Variants in SPIDR observed in about 807,000 individuals in gnomAD.
SPIDR encodes the protein DNA repair-scaffolding protein.
A neutral mutation model predicts 104.6 loss-of-function variants in SPIDR; 93 were observed. That is an observed-to-expected ratio of 0.89 (90% confidence interval 0.75 to 1.06). The LOEUF (loss-of-function observed/expected upper bound fraction) is 1.06, where lower values mean the gene tolerates loss of function less well. Among genes scored for constraint, SPIDR ranks in the 50% least tolerant of loss-of-function variants. SPIDR has a pLI of 0.00. For synonymous variants in SPIDR, 431 were observed against 416.9 expected (o/e 1.03, Z -0.41); for missense variants, 1,154 against 1,111.2 (o/e 1.04, Z -0.55).
intron 5 of SPIDR, among the ~76,000 whole-genome samples, chr8:47,296,413 C>G (rs1437554987): frequency 1.3e-5 from 2 of 152,108 alleles, no homozygotes; most frequent in African/African-American, 2.4e-5. Context: ...ATGTTTAAGT[C>G]ATTAGTCCAT....
chr8:47,351,068 A>C (rs905182072), intron 5 of SPIDR, among the ~76,000 whole-genome samples: 1 of 152,210 alleles, frequency 6.6e-6, no homozygotes, highest in African/African-American at 2.4e-5. Flanking sequence ...CAGATTGACT[A>C]TCACAACATC....
rs776912189 is a variant in SPIDR, at chr8:47,712,625, TATA to T, written c.1978-31_1978-29del. ...TAAATGCTTTTAAAACATTTTTTGG[TATA>T]ATAATTAATCTTTATTGTGTCTTCA... On this transcript the variant is annotated intron_variant, in intron 14 of 19. Coordinates refer to ENST00000297423, the MANE Select transcript of SPIDR (RefSeq NM_001080394.4). 23 of 1,579,262 alleles carry T rather than the reference TATA, an allele frequency of 1.5e-5. No individual in the cohort carries two copies. The African/African-American group carries it at 2.9e-4, about 20-fold the overall frequency.
chr8:47,656,209 G>T (rs2072773162), intron 10 of SPIDR, among the ~76,000 whole-genome samples: 1 of 152,206 alleles, frequency 6.6e-6, no homozygotes, highest in Middle Eastern at 3.4e-3. Flanking sequence ...ATACATAAAT[G>T]AGACTTCATC....
intron 1 of SPIDR, among the ~76,000 whole-genome samples, chr8:47,267,656 A>C (rs926435695): frequency 2.0e-5 from 3 of 152,150 alleles, no homozygotes; most frequent in African/African-American, 7.2e-5. Context: ...TTCTTGAAGA[A>C]ATGTTTATTC....
At chr8:47,699,018 T>C (rs10095193) in intron 11 of SPIDR, among the ~76,000 whole-genome samples, 22,480 of 152,264 alleles carry the variant, frequency 0.15, 2,615 homozygotes, top group African/African-American at 0.3. Flanking sequence ...TTTATTTTTC[T>C]ATACTGTATA....
At chr8:47,290,886 G>T in intron 3 of SPIDR, 147 bp from the exon 4 acceptor site, 1 of 494,956 alleles carries the variant, frequency 2.0e-6, no homozygotes. Context: ...TAGAACTTTA[G>T]GTAGGAAGAT....
intron 10 of SPIDR, chr8:47,660,560 C>T: frequency 1.0e-6 from 1 of 978,486 alleles, no homozygotes; most frequent in Non-Finnish European, 1.2e-6. Flanking sequence ...TTTCTGACTG[C>T]TGCCTTGTTT....
intron 8 of SPIDR, among the ~76,000 whole-genome samples, chr8:47,529,074 A>G (rs1010971566): frequency 1.2e-4 from 19 of 152,240 alleles, no homozygotes; most frequent in Non-Finnish European, 5.9e-5. Context: ...TAAGAATTAC[A>G]TCAGACTTCC....
chr8:47,293,487 C>T (rs2040304772), intron 4 of SPIDR, among the ~76,000 whole-genome samples: 1 of 152,142 alleles, frequency 6.6e-6, no homozygotes, highest in Non-Finnish European at 1.5e-5. Context: ...CGTTCTGTTG[C>T]CCAGGCTGGA....
intron 1 of SPIDR, among the ~76,000 whole-genome samples, chr8:47,275,903 C>G (rs2036329433): frequency 6.6e-6 from 1 of 152,184 alleles, no homozygotes; most frequent in African/African-American, 2.4e-5. Context: ...GTTGCCCCAG[C>G]TGGAGTGCAG....
At chr8:47,515,725 A>G (rs2083020817) in intron 8 of SPIDR, among the ~76,000 whole-genome samples, 1 of 152,192 alleles carries the variant, frequency 6.6e-6, no homozygotes, top group African/African-American at 2.4e-5. Flanking sequence ...CCATTTGTTG[A>G]CTGAATAAAT....
intron 5 of SPIDR, among the ~76,000 whole-genome samples, chr8:47,317,174 G>T (rs1036127402): frequency 1.3e-5 from 2 of 152,176 alleles, no homozygotes; most frequent in African/African-American, 4.8e-5. Flanking sequence ...CCCAGGAAGC[G>T]CAAGGGGTCA....
At chr8:47,720,948 G>A (rs2083311192) in intron 16 of SPIDR, among the ~76,000 whole-genome samples, 1 of 152,046 alleles carries the variant, frequency 6.6e-6, no homozygotes. Flanking sequence ...AGTAGAGACT[G>A]GGTTTTGCCA....
intron 3 of SPIDR, among the ~76,000 whole-genome samples, chr8:47,285,169 T>TA (rs1180250781): frequency 6.6e-6 from 1 of 152,212 alleles, no homozygotes; most frequent in Non-Finnish European, 1.5e-5. Flanking sequence ...CAGTTGCTCA[T>TA]ATGTCTGATG....
chr8:47,523,039 C>T (rs188929173), intron 8 of SPIDR, among the ~76,000 whole-genome samples: 133 of 151,942 alleles, frequency 8.8e-4, no homozygotes, highest in Non-Finnish European at 1.6e-3. Flanking sequence ...CTCACCCTGT[C>T]CCCCAGGCTG....
rs185853259 is a variant in SPIDR, at chr8:47,588,491, T to G, written c.1098-7320T>G. ...TTTGTAGATTCCTTGCCATTTCCTG[T>G]GTAAGCAATCATGCCACCTTTAAAT... On this transcript the variant is annotated intron_variant, in intron 8 of 19. Coordinates refer to ENST00000297423, the MANE Select transcript of SPIDR (RefSeq NM_001080394.4). 2.0e-3 allele frequency among the ~76,000 whole-genome samples: 307 copies of G among 152,274 alleles called. 2 individuals carry two copies. Among genetic ancestry groups the G allele is most frequent in the Non-Finnish European group, 3.6e-3 (245 of 68,010 alleles).
chr8:47,294,000 A>G lies in SPIDR; in HGVS notation c.495A>G (p.Thr165=), dbSNP rs2040392493. ...CASCASNQSL[T]SDEKLSELPK... is the part of the protein sequence containing the mutation. ...CTTGTGCAAGTAATCAGTCTTTGAC[A>G]AGTGATGAGAAGCTGTCGGAGCTTC... The change falls in exon 5 of 20, where the codon ACA becomes ACG. Residue 165 remains threonine (T), a synonymous_variant. Transcript: ENST00000297423. 6.2e-7 allele frequency: 1 copy of G among 1,613,826 alleles called. No individual in the cohort carries two copies.
At chr8:47,662,247 G>A (rs1347248863) in intron 10 of SPIDR, among the ~76,000 whole-genome samples, 2 of 152,206 alleles carry the variant, frequency 1.3e-5, no homozygotes, top group Non-Finnish European at 2.9e-5. Flanking sequence ...ACCAGGCGTG[G>A]AGGGGAGGGC....
chr8:47,553,823 G>A (rs960830252), intron 8 of SPIDR, among the ~76,000 whole-genome samples: 6 of 152,184 alleles, frequency 3.9e-5, no homozygotes, highest in South Asian at 2.1e-4. Flanking sequence ...AGGAGAAGAG[G>A]CACTCTGATT....
Sources: allele counts gnomAD v4.1 joint callset (sites outside exome capture counted in the v4.1 genomes callset), GRCh38; gene constraint gnomAD v4.1.1; transcripts MANE v1.5; gene names NCBI Gene and HGNC (gene_info 2026-07-23, HGNC 2026-07-21).